The following ATXN2 variants were observed in gnomAD, a reference collection of about 807,000 sequenced individuals.
The protein encoded by ATXN2 is ataxin-2.
In ATXN2, 37 loss-of-function variants were observed where a neutral mutation model predicts 138.6. That is an observed-to-expected ratio of 0.27 (90% CI 0.21 to 0.35). The LOEUF is 0.35. Among genes scored for constraint, ATXN2 ranks in the 10% least tolerant of loss-of-function variants. ATXN2 has a pLI of 1.00. For synonymous variants in ATXN2, 549 were observed against 543.7 expected (o/e 1.01, Z -0.13); for missense variants, 1,216 against 1,480.3 (o/e 0.82, Z 2.93).
intron 14 of ATXN2, among the ~76,000 whole-genome samples, chr12:111,502,967 G>C (rs1878876444): frequency 6.6e-6 from 1 of 152,182 alleles, no homozygotes; most frequent in Non-Finnish European, 1.5e-5. Context: ...GAAGTAGATA[G>C]CATGCCACAA....
chr12:111,453,226 G>A lies in ATXN2; in HGVS notation c.3440-386C>T, dbSNP rs952622674. 1 of 1,077,716 alleles carries A rather than the reference G, an allele frequency of 9.3e-7. No individual in the cohort carries two copies. The highest frequency in any genetic ancestry group is 1.7e-5 in the African/African-American group (1 of 60,292). 66.8% of individuals were successfully genotyped at this position (1,077,716 alleles called of 1,614,324 possible). On this transcript the variant is annotated intron_variant, in intron 24 of 24. Coordinates refer to ENST00000673436, the MANE Select transcript of ATXN2 (RefSeq NM_001372574.1). This position sits in a 1 kb window ranked among gnomAD's most constrained non-coding sequence, Gnocchi z 5.4. ...TCACAGGGCGCTCTCCCCTGTTCAG[G>A]GGCTGGGGCTAACGCTACACTCAAA...
chr12:111,593,551 T>G (rs1884785667), intron 1 of ATXN2, among the ~76,000 whole-genome samples: 1 of 151,836 alleles, frequency 6.6e-6, no homozygotes, highest in African/African-American at 2.4e-5. Context: ...ACTGATCCCA[T>G]GTTTTCACTG....
chr12:111,585,220 C>A (rs1433809881), intron 1 of ATXN2, among the ~76,000 whole-genome samples: 4 of 152,066 alleles, frequency 2.6e-5, no homozygotes, highest in African/African-American at 9.7e-5. Context: ...AACTTACAGT[C>A]AAAACTCCCA....
chr12:111,566,931 C>A (rs573787669), intron 1 of ATXN2, among the ~76,000 whole-genome samples: 1 of 152,224 alleles, frequency 6.6e-6, no homozygotes, highest in South Asian at 2.1e-4. Flanking sequence ...AGCCACCGTG[C>A]CCAACCAGGA....
chr12:111,551,769 A>G (rs1416103483), intron 5 of ATXN2, among the ~76,000 whole-genome samples: 1 of 152,140 alleles, frequency 6.6e-6, no homozygotes, highest in Non-Finnish European at 1.5e-5. Context: ...CAAAAACTCT[A>G]TTTAATTTTT....
intron 24 of ATXN2, 117 bp from the exon 25 acceptor site, chr12:111,452,957 T>G: frequency 7.5e-7 from 1 of 1,341,606 alleles, no homozygotes; most frequent in South Asian, 2.2e-5. Flanking sequence ...AAACTCAAAA[T>G]TGAATTCGCT....
intron 6 of ATXN2, 149 bp downstream of exon 6, chr12:111,525,043 G>A: frequency 1.0e-6 from 1 of 987,528 alleles, no homozygotes; most frequent in Non-Finnish European, 1.4e-6. Context: ...ATATTGCTTG[G>A]GAGAAAGTCT....
intron 1 of ATXN2, among the ~76,000 whole-genome samples, chr12:111,574,798 G>C (rs918979375): frequency 2.6e-5 from 4 of 152,104 alleles, no homozygotes; most frequent in African/African-American, 9.7e-5. Flanking sequence ...AGTGACTCAA[G>C]TTCCTGGTTG....
intron 21 of ATXN2, among the ~76,000 whole-genome samples, chr12:111,460,924 T>G (rs1363408645): frequency 6.6e-6 from 1 of 152,134 alleles, no homozygotes; most frequent in African/African-American, 2.4e-5. Flanking sequence ...GCTGAGTGAA[T>G]GTACATAGGC....
intron 1 of ATXN2, among the ~76,000 whole-genome samples, chr12:111,587,548 C>T (rs1037876651): frequency 1.3e-5 from 2 of 151,740 alleles, no homozygotes; most frequent in African/African-American, 4.8e-5. Context: ...TCCAGCTACT[C>T]GGGAGACTGA....
chr12:111,536,132 G>C (rs1369816183), intron 5 of ATXN2, among the ~76,000 whole-genome samples: 9 of 152,138 alleles, frequency 5.9e-5, no homozygotes, highest in Admixed American at 4.6e-4. Flanking sequence ...TTTTGAGCAA[G>C]GGATGAGATG....
intron 1 of ATXN2, among the ~76,000 whole-genome samples, chr12:111,577,628 C>A (rs1348159639): frequency 6.6e-6 from 1 of 152,008 alleles, no homozygotes; most frequent in Non-Finnish European, 1.5e-5. Context: ...GGTAAATTTA[C>A]TCTTAAAGAA....
rs1201101052 is a variant in ATXN2 at position 111,470,719 on chromosome 12, G to T, written c.2548C>A (p.Gln850Lys). The T allele has an allele frequency of 6.2e-7, 1 of 1,614,086 alleles. No homozygotes were observed. Among genetic ancestry groups the T allele is most frequent in the Admixed American group, 1.7e-5 (1 of 60,010 alleles). ...GKVPNMPQQR[Q>K]DQHHQSAMMH... Reference sequence around the variant, plus strand: ...ATGGCACTCTGATGATGCTGGTCTTGCCGCTGTTGGGGCATATTTGGTACT... The same window carrying T: ...ATGGCACTCTGATGATGCTGGTCTTTCCGCTGTTGGGGCATATTTGGTACT... Residue 850 changes from glutamine to lysine, a missense_variant, in exon 19 of 25, where the codon CAA (glutamine) becomes AAA (lysine). By Grantham distance (53) the Gln-to-Lys change is moderately conservative. This residue lies in a region of ATXN2 where 490 missense variants were observed against 653.5 expected (regional missense o/e 0.75). Coordinates refer to ENST00000673436, the MANE Select transcript of ATXN2 (RefSeq NM_001372574.1).
intron 14 of ATXN2, among the ~76,000 whole-genome samples, chr12:111,501,940 G>T (rs1878798520): frequency 6.6e-6 from 1 of 151,386 alleles, no homozygotes; most frequent in Admixed American, 6.6e-5. Context: ...TGCCCAGACT[G>T]GAGCGCAGTG....
intron 14 of ATXN2, among the ~76,000 whole-genome samples, chr12:111,497,033 T>C (rs777184999): frequency 6.6e-6 from 1 of 152,070 alleles, no homozygotes; most frequent in African/African-American, 2.4e-5. Flanking sequence ...GGAGACATTA[T>C]AATTGTTACC....
chr12:111,517,590 C>CCTA (rs1879926163), intron 9 of ATXN2, among the ~76,000 whole-genome samples: 1 of 152,140 alleles, frequency 6.6e-6, no homozygotes, highest in Non-Finnish European at 1.5e-5. Context: ...AGATCCACAA[C>CCTA]CTACAAGATA....
At chr12:111,534,445 A>AAT (rs1881029201) in intron 5 of ATXN2, among the ~76,000 whole-genome samples, 1 of 152,058 alleles carries the variant, frequency 6.6e-6, no homozygotes, top group African/African-American at 2.4e-5. Context: ...CAATCAAAGG[A>AAT]ATATATATAT....
chr12:111,483,410 C>CAAAAAA (rs58159636), intron 18 of ATXN2, among the ~76,000 whole-genome samples: 34 of 131,052 alleles, frequency 2.6e-4, no homozygotes, highest in African/African-American at 9.5e-4. Context: ...AACTGGTTGG[C>CAAAAAA]AAAAAAAAAA....
intron 1 of ATXN2, among the ~76,000 whole-genome samples, chr12:111,595,835 G>A (rs543297141): frequency 8.8e-5 from 13 of 147,434 alleles, no homozygotes; most frequent in Admixed American, 4.7e-4. Flanking sequence ...CGAGGCTGGC[G>A]AATCACTTGA....
Sources: allele counts gnomAD v4.1 joint callset (sites outside exome capture counted in the v4.1 genomes callset), GRCh38; gene constraint gnomAD v4.1.1; regional missense constraint gnomAD v4.1.1; non-coding constraint Gnocchi (gnomAD v3.1); transcripts MANE v1.5; gene names NCBI Gene and HGNC (gene_info 2026-07-23, HGNC 2026-07-21).